The following RPS6KA5 variants were observed in gnomAD, a reference collection of about 807,000 sequenced individuals.
RPS6KA5 encodes ribosomal protein S6 kinase A5.
Under a neutral mutation model 85.5 loss-of-function variants are expected in RPS6KA5, and 27 were observed. The observed-to-expected ratio is 0.32, with a 90% CI of 0.23 to 0.44. The LOEUF (loss-of-function observed/expected upper bound fraction) is 0.44, where lower values mean the gene tolerates loss of function less well. Among genes scored for constraint, RPS6KA5 ranks in the 20% least tolerant of loss-of-function variants. RPS6KA5 has a pLI of 1.00. For missense variants in RPS6KA5, 811 were observed against 980.9 expected (o/e 0.83, Z 2.31); for synonymous variants, 334 against 348.2 (o/e 0.96, Z 0.46).
chr14:91,047,047 CA>C (rs34036525), intron 1 of RPS6KA5, among the ~76,000 whole-genome samples: 38,252 of 100,284 alleles, frequency 0.38, 6,179 homozygotes, highest in African/African-American at 0.57. Context: ...ACCCTGTCTC[CA>C]AAAAAAAAAA....
At chr14:90,988,495 AT>A (rs1241263742) in intron 2 of RPS6KA5, among the ~76,000 whole-genome samples, 2 of 152,230 alleles carry the variant, frequency 1.3e-5, no homozygotes, top group Non-Finnish European at 2.9e-5. Context: ...ATGGTTCAGA[AT>A]CTAAGATGCT....
At chr14:90,978,167 G>A (rs2039646730) in intron 3 of RPS6KA5, 139 bp downstream of exon 3, 1 of 594,614 alleles carries the variant, frequency 1.7e-6, no homozygotes, top group South Asian at 3.2e-5. Context: ...TGATATTCCA[G>A]GAGATGCCAC....
intron 14 of RPS6KA5, among the ~76,000 whole-genome samples, chr14:90,883,686 T>G (rs1314956334): frequency 6.6e-6 from 1 of 152,222 alleles, no homozygotes; most frequent in African/African-American, 2.4e-5. Flanking sequence ...TCTTGTTTCT[T>G]TATATACCTT....
At chr14:91,007,307 TAG>T (rs1184488570) in intron 1 of RPS6KA5, among the ~76,000 whole-genome samples, 1 of 152,210 alleles carries the variant, frequency 6.6e-6, no homozygotes, top group Non-Finnish European at 1.5e-5. Context: ...ACTAAAAACT[TAG>T]AATAGAGCTA....
At chr14:90,923,070 A>G in intron 6 of RPS6KA5, 43 bp downstream of exon 6, 2 of 1,413,948 alleles carry the variant, frequency 1.4e-6, no homozygotes, top group South Asian at 1.2e-5. Context: ...CTTATAGTAC[A>G]TTTTATAGAA....
Position 90,902,872 on chromosome 14 carries a change from A to C in RPS6KA5, c.1055T>G (p.Phe352Cys). Residue 352 changes from phenylalanine (F) to cysteine (C), a missense_variant, in exon 9 of 17, where the codon TTC becomes TGC. This residue lies in a region of RPS6KA5 where 650 missense variants were observed against 793.4 expected (regional missense o/e 0.82). Coordinates refer to ENST00000614987, the MANE Select transcript of RPS6KA5 (RefSeq NM_004755.4). ...AGAATAAGTGGGATCCATTTCTGTG[A>C]ACTCTTCTGCAAAGTTACTCACATC... is the stretch of plus-strand genomic sequence containing the variant. The part of the protein sequence containing the change: ...ELDVSNFAEE[F>C]TEMDPTYSPA... 1 of 1,614,088 alleles carries C rather than the reference A, an allele frequency of 6.2e-7. No individual in the cohort carries two copies. The highest frequency in any genetic ancestry group is 8.5e-7 in the Non-Finnish European group (1 of 1,180,006).
intron 3 of RPS6KA5, among the ~76,000 whole-genome samples, chr14:90,952,330 G>A (rs1405331511): frequency 2.0e-5 from 3 of 152,174 alleles, no homozygotes; most frequent in Non-Finnish European, 2.9e-5. Context: ...ATGTTGGTTC[G>A]AGTTCAAGAA....
At chr14:91,025,933 C>T (rs1029694502) in intron 1 of RPS6KA5, among the ~76,000 whole-genome samples, 10 of 151,976 alleles carry the variant, frequency 6.6e-5, no homozygotes, top group African/African-American at 2.2e-4. Context: ...ACAAATGATT[C>T]CGTCACCCAG....
chr14:90,886,044 T>C (rs80260248), intron 14 of RPS6KA5, among the ~76,000 whole-genome samples: 3,540 of 152,064 alleles, frequency 0.023, 29 homozygotes, highest in South Asian at 0.039. Flanking sequence ...TGTTTGCAAA[T>C]ACTGTAGCAA....
chr14:90,989,717 TTCATCATCAAACAAATTC>T (rs1335181812), intron 2 of RPS6KA5, among the ~76,000 whole-genome samples: 1 of 152,090 alleles, frequency 6.6e-6, no homozygotes, highest in Non-Finnish European at 1.5e-5. Flanking sequence ...AACCCAAAAT[TTCATCATCAAACAAATTC>T]TAAAAGATGA....
chr14:90,970,835 A>T (rs139036178), intron 3 of RPS6KA5, among the ~76,000 whole-genome samples: 1 of 152,268 alleles, frequency 6.6e-6, no homozygotes, highest in African/African-American at 2.4e-5. Context: ...TAAAAGAAAT[A>T]TAAAGGGAAA....
chr14:91,014,236 C>G (rs1156510006), intron 1 of RPS6KA5, among the ~76,000 whole-genome samples: 1 of 152,024 alleles, frequency 6.6e-6, no homozygotes, highest in Non-Finnish European at 1.5e-5. Context: ...GGTACGGTGG[C>G]TCACGCCTGT....
chr14:90,956,058 A>G (rs920604222), intron 3 of RPS6KA5, among the ~76,000 whole-genome samples: 2 of 152,192 alleles, frequency 1.3e-5, no homozygotes, highest in Admixed American at 1.3e-4. Context: ...TACCATTTAC[A>G]CTGTATTAAG....
At chr14:91,035,358 G>A (rs1393770499) in intron 1 of RPS6KA5, among the ~76,000 whole-genome samples, 2 of 152,176 alleles carry the variant, frequency 1.3e-5, no homozygotes, top group Non-Finnish European at 2.9e-5. Flanking sequence ...CAAGACTAAG[G>A]AAGGGAGGCT....
intron 1 of RPS6KA5, among the ~76,000 whole-genome samples, chr14:91,031,906 T>C (rs6575170): frequency 0.49 from 73,714 of 151,776 alleles, 18,139 homozygotes; most frequent in East Asian, 0.55. Flanking sequence ...GTAGAAAATA[T>C]TAGAAAAGAG....
At chr14:90,887,610 T>C (rs1031579675) in intron 14 of RPS6KA5, among the ~76,000 whole-genome samples, 2 of 152,040 alleles carry the variant, frequency 1.3e-5, no homozygotes, top group Non-Finnish European at 2.9e-5. Flanking sequence ...GGTATATACA[T>C]AGTATATAAA....
intron 14 of RPS6KA5, among the ~76,000 whole-genome samples, chr14:90,888,130 G>A (rs2034341440): frequency 6.6e-6 from 1 of 151,944 alleles, no homozygotes; most frequent in South Asian, 2.1e-4. Context: ...CCACAGACTG[G>A]ATATTGTGAT....
chr14:90,898,444 A>G (rs2034966565), intron 12 of RPS6KA5, among the ~76,000 whole-genome samples: 1 of 152,230 alleles, frequency 6.6e-6, no homozygotes, highest in Non-Finnish European at 1.5e-5. Context: ...ACTGGGCCCC[A>G]TCGATCCTAG....
At chr14:90,959,865 A>G (rs2140415458) in intron 3 of RPS6KA5, among the ~76,000 whole-genome samples, 1 of 152,322 alleles carries the variant, frequency 6.6e-6, no homozygotes, top group East Asian at 1.9e-4. Flanking sequence ...CATCACCTTA[A>G]AGACAGCATT....
Sources: allele counts gnomAD v4.1 joint callset (sites outside exome capture counted in the v4.1 genomes callset), GRCh38; gene constraint gnomAD v4.1.1; regional missense constraint gnomAD v4.1.1; transcripts MANE v1.5; gene names NCBI Gene and HGNC (gene_info 2026-07-23, HGNC 2026-07-21).